Variants in LRTM1 observed in about 807,000 individuals in gnomAD.
The protein encoded by LRTM1 is leucine-rich repeat and transmembrane domain-containing protein 1.
A neutral mutation model predicts 32.4 loss-of-function variants in LRTM1; 38 were observed. The observed-to-expected ratio is 1.17, with a 90% CI of 0.91 to 1.54. The LOEUF is 1.54. Ranked by LOEUF, LRTM1 falls within the 40% of genes most tolerant of loss-of-function variation. LRTM1 has a pLI of 0.00. For synonymous variants in LRTM1, 186 were observed against 169.9 expected (o/e 1.09, Z -0.74); for missense variants, 466 against 415.4 (o/e 1.12, Z -1.06).
At chr3:54,919,266 G>GA (rs1700766087) in intron 2 of LRTM1, among the ~76,000 whole-genome samples, 1 of 152,210 alleles carries the variant, frequency 6.6e-6, no homozygotes, top group African/African-American at 2.4e-5. Flanking sequence ...GAGCCCCACA[G>GA]ACAAGAAAAC....
At chr3:54,939,303 T>G (rs572036654) in intron 1 of LRTM1, among the ~76,000 whole-genome samples, 1 of 152,356 alleles carries the variant, frequency 6.6e-6, no homozygotes, top group East Asian at 1.9e-4. Flanking sequence ...TTGATGAGAC[T>G]GACTCACTTG....
intron 1 of LRTM1, among the ~76,000 whole-genome samples, chr3:54,956,589 T>C (rs1701900426): frequency 6.6e-6 from 1 of 152,144 alleles, no homozygotes; most frequent in Admixed American, 6.5e-5. Flanking sequence ...CAACTGGTCT[T>C]AGGCTGTCAT....
At chr3:54,938,054 C>T (rs1408148475) in intron 1 of LRTM1, among the ~76,000 whole-genome samples, 4 of 152,190 alleles carry the variant, frequency 2.6e-5, no homozygotes, top group Admixed American at 1.3e-4. Flanking sequence ...ATGAAATCCC[C>T]GTACACGTTT....
chr3:54,966,221 A>G (rs1376771223), intron 1 of LRTM1, among the ~76,000 whole-genome samples: 1 of 152,080 alleles, frequency 6.6e-6, no homozygotes, highest in Non-Finnish European at 1.5e-5. Context: ...TGTTGGAGGG[A>G]GAAGCACCAT....
chr3:54,948,264 G>A (rs1455678409), intron 1 of LRTM1, among the ~76,000 whole-genome samples: 1 of 152,170 alleles, frequency 6.6e-6, no homozygotes, highest in South Asian at 2.1e-4. Context: ...CATTCCAGGT[G>A]ACCTCTTGAG....
chr3:54,965,129 G>C (rs115131268), intron 1 of LRTM1, among the ~76,000 whole-genome samples: 73 of 152,280 alleles, frequency 4.8e-4, no homozygotes, highest in African/African-American at 1.6e-3. Flanking sequence ...AAACTACTCA[G>C]CTCTGCTATT....
chr3:54,932,128 G>A (rs775065974), upstream of LRTM1, among the ~76,000 whole-genome samples: 4 of 152,072 alleles, frequency 2.6e-5, no homozygotes, highest in Admixed American at 6.5e-5. Flanking sequence ...GCAGTGAGCC[G>A]AGATCACGCC....
At position 54,924,689 on chromosome 3, in the gene LRTM1, C is replaced by A; in HGVS notation, c.534G>T (p.Lys178Asn). The A allele has an allele frequency of 6.2e-7, 1 of 1,614,082 alleles. No homozygotes were observed. The highest frequency in any genetic ancestry group is 8.5e-7 in the Non-Finnish European group (1 of 1,180,004). Reference protein sequence around the residue: ...SMPSVRLLLLKDNLWKCNCHL... With the variant: ...SMPSVRLLLLNDNLWKCNCHL... ...GGCAATTGCATTTCCAGAGGTTGTC[C>A]TTGAGAAGTAAAAGCCTCACACTGG... is the stretch of plus-strand genomic sequence containing the variant. Residue 178 changes from lysine (K) to asparagine (N), a missense_variant, in exon 2 of 3, where the codon AAG (lysine) becomes AAT (asparagine). Transcript: ENST00000273286.
At chr3:54,944,460 G>A (rs1034181830) in intron 1 of LRTM1, among the ~76,000 whole-genome samples, 14 of 150,958 alleles carry the variant, frequency 9.3e-5, no homozygotes, top group African/African-American at 2.2e-4. Flanking sequence ...TCGCTCTGTC[G>A]CCCAGGCTGG....
At chr3:54,954,551 G>A (rs1013725910) in intron 1 of LRTM1, among the ~76,000 whole-genome samples, 1 of 152,182 alleles carries the variant, frequency 6.6e-6, no homozygotes. Flanking sequence ...GCTTCCCTTT[G>A]ATTCTCTTCC....
chr3:54,947,349 A>C (rs909572287), intron 1 of LRTM1, among the ~76,000 whole-genome samples: 7 of 152,198 alleles, frequency 4.6e-5, no homozygotes, highest in African/African-American at 1.7e-4. Context: ...CAAACCTAAG[A>C]GACAGAAAAC....
chr3:54,966,514 TG>T (rs1702154187), intron 1 of LRTM1, among the ~76,000 whole-genome samples: 1 of 152,186 alleles, frequency 6.6e-6, no homozygotes, highest in Middle Eastern at 3.2e-3. Flanking sequence ...GAGAATCATC[TG>T]GGACACTTTT....
intron 1 of LRTM1, among the ~76,000 whole-genome samples, chr3:54,956,313 T>C (rs757110384): frequency 1.5e-4 from 23 of 152,186 alleles, no homozygotes; most frequent in Admixed American, 3.3e-4. Flanking sequence ...ATCCTTTCCA[T>C]GTACAATGAA....
At chr3:54,925,327 C>T in intron 1 of LRTM1, 112 bp from the exon 2 acceptor site, 1 of 835,258 alleles carries the variant, frequency 1.2e-6, no homozygotes, top group Non-Finnish European at 1.9e-6. Context: ...GTGAAACCTT[C>T]TACAACCTGC....
At chr3:54,918,927 C>T (rs1444283601) in intron 2 of LRTM1, 35 bp from the exon 3 acceptor site, 1 of 1,496,300 alleles carries the variant, frequency 6.7e-7, no homozygotes, top group Admixed American at 2.3e-5. Context: ...AATAACAAAG[C>T]CTTGATACAA....
chr3:54,945,780 T>A (rs1452584798), intron 1 of LRTM1, among the ~76,000 whole-genome samples: 1 of 152,144 alleles, frequency 6.6e-6, no homozygotes, highest in East Asian at 1.9e-4. Context: ...CCATTGTATG[T>A]TGGGAATCAG....
intron 1 of LRTM1, 113 bp downstream of exon 1, chr3:54,927,792 C>A: frequency 8.9e-7 from 1 of 1,117,970 alleles, no homozygotes; most frequent in Non-Finnish European, 1.4e-6. Context: ...CATATCTGTC[C>A]AGTCTTTTAA....
chr3:54,956,228 G>C (rs1701889213), intron 1 of LRTM1, among the ~76,000 whole-genome samples: 1 of 152,206 alleles, frequency 6.6e-6, no homozygotes, highest in African/African-American at 2.4e-5. Flanking sequence ...CCAGTGGCTT[G>C]CCTTGCCAGG....
chr3:54,943,655 T>C (rs1303872961), intron 1 of LRTM1, among the ~76,000 whole-genome samples: 1 of 152,194 alleles, frequency 6.6e-6, no homozygotes, highest in African/African-American at 2.4e-5. Context: ...TTTTCCCCCA[T>C]GTGTTTCATC....
Sources: gnomAD v4.1 joint callset for allele counts (sites outside exome capture counted in the v4.1 genomes callset) on GRCh38, gnomAD v4.1.1 for gene constraint, MANE v1.5 for transcripts, NCBI Gene and HGNC (gene_info 2026-07-23, HGNC 2026-07-21) for gene names.